The following ITPKB variants were observed in gnomAD, a reference collection of about 807,000 sequenced individuals.
The protein encoded by ITPKB is IP3 3-kinase B.
Under a neutral mutation model 69.4 loss-of-function variants are expected in ITPKB, and 13 were observed. The observed-to-expected ratio is 0.19, with a 90% confidence interval of 0.12 to 0.30. The LOEUF is 0.30. Among genes scored for constraint, ITPKB ranks in the 10% least tolerant of loss-of-function variants. ITPKB has a pLI of 1.00. For synonymous variants in ITPKB, 584 were observed against 513.7 expected (o/e 1.14, Z -1.85); for missense variants, 1,240 against 1,250.5 (o/e 0.99, Z 0.13).
In ITPKB at chr1:226,667,195, T is replaced by C. The variant is rs143276491; in HGVS notation, c.1933-18424A>G. 1.6e-3 allele frequency among the ~76,000 whole-genome samples: 238 copies of C among 152,300 alleles called. 5 individuals carry two copies. In the East Asian group the frequency reaches 0.036, roughly 23 times the overall value. On this transcript the variant is annotated intron_variant, in intron 2 of 7. Transcript: ENST00000429204. ...ACATTCACGTGATCTGGTGATGACA[T>C]GAGTGTTACCCCCACTAGAGTGAGC...
At chr1:226,673,245 G>A (rs535836928) in intron 2 of ITPKB, among the ~76,000 whole-genome samples, 20 of 152,078 alleles carry the variant, frequency 1.3e-4, no homozygotes, top group East Asian at 5.8e-4. Context: ...GTGGTGGCGC[G>A]CACCTGTGGT....
chr1:226,639,004 G>A (rs1668896157), intron 6 of ITPKB, among the ~76,000 whole-genome samples: 1 of 151,114 alleles, frequency 6.6e-6, no homozygotes. Context: ...CAGAAGCCTG[G>A]GGCCAGGATG....
At chr1:226,707,148 G>C (rs1182885284) in intron 2 of ITPKB, 1 of 788,930 alleles carries the variant, frequency 1.3e-6, no homozygotes, top group African/African-American at 1.9e-5. Context: ...GAATAATTCA[G>C]AATAAAAACA....
At chr1:226,716,603 C>CA (rs1005706025) in intron 2 of ITPKB, among the ~76,000 whole-genome samples, 2 of 152,140 alleles carry the variant, frequency 1.3e-5, no homozygotes, top group African/African-American at 4.8e-5. Context: ...GTGTTGTACT[C>CA]AAAGTTTTTT....
At position 226,736,315 on chromosome 1, in the gene ITPKB, G is replaced by A. The variant is rs1264036185; in HGVS notation, c.1144C>T (p.Pro382Ser). 6.2e-7 allele frequency: 1 copy of A among 1,610,250 alleles called. No individual in the cohort carries two copies. Among genetic ancestry groups the A allele is most frequent in the South Asian group, 1.1e-5 (1 of 90,696 alleles). The change falls in exon 2 of 8, where the codon CCG (proline) becomes TCG (serine). Residue 382 changes from proline to serine, a missense_variant. Pro to Ser is a moderately conservative substitution (Grantham distance 74, BLOSUM62 -1). This residue lies in a region of ITPKB where 992 missense variants were observed against 853.8 expected (regional missense o/e 1.16). Coordinates refer to ENST00000429204, the MANE Select transcript of ITPKB (RefSeq NM_002221.4). The part of the protein sequence containing the change: ...MGKGYLPCGM[P>S]GSGEPEVGKR... ...CCCACTTCAGGCTCCCCAGAGCCCG[G>A]CATGCCACAGGGCAGATATCCTTTC...
Position 226,663,776 on chromosome 1 carries a change from C to T in ITPKB, c.1933-15005G>A, listed in dbSNP as rs139711460. Among the ~76,000 whole-genome samples the T allele has an allele frequency of 6.5e-3, 986 of 152,290 alleles. 50 individuals are homozygous for T. Among genetic ancestry groups the T allele is most frequent in the Admixed American group, 0.059 (908 of 15,298 alleles). ...ACTTCAGGTGACCAAAGAAGTGATC[C>T]ACCCCCCACGGCCTCTCAAAGTGCT... is the stretch of plus-strand genomic sequence containing the variant. On this transcript the variant is annotated intron_variant, in intron 2 of 7. Transcript: ENST00000429204.
At chr1:226,731,916 C>T (rs915026106) in intron 2 of ITPKB, among the ~76,000 whole-genome samples, 3 of 152,148 alleles carry the variant, frequency 2.0e-5, no homozygotes, top group East Asian at 1.9e-4. Flanking sequence ...AAAGTATTCA[C>T]CAACAGATGC....
intron 2 of ITPKB, among the ~76,000 whole-genome samples, chr1:226,712,225 C>T (rs903574754): frequency 2.6e-5 from 4 of 152,208 alleles, no homozygotes; most frequent in African/African-American, 7.2e-5. Context: ...TGCGAGGCAA[C>T]CCCTCTCTCT....
At chr1:226,706,044 T>C (rs1200810445) in intron 2 of ITPKB, among the ~76,000 whole-genome samples, 2 of 152,140 alleles carry the variant, frequency 1.3e-5, no homozygotes, top group Non-Finnish European at 2.9e-5. Flanking sequence ...AGGCTGAGGG[T>C]CAGCAGGCAG....
At chr1:226,649,427 G>A (rs1669131901) in intron 2 of ITPKB, among the ~76,000 whole-genome samples, 1 of 94,450 alleles carries the variant, frequency 1.1e-5, no homozygotes, top group African/African-American at 4.8e-5. Flanking sequence ...GTGCATGAGT[G>A]TGTGCGTATG....
chr1:226,728,514 G>T (rs945795240), intron 2 of ITPKB, among the ~76,000 whole-genome samples: 2 of 152,224 alleles, frequency 1.3e-5, no homozygotes, highest in African/African-American at 4.8e-5. Context: ...AAACATCAGA[G>T]TGGTCTTCCC....
chr1:226,691,579 G>A (rs3754406), intron 2 of ITPKB, among the ~76,000 whole-genome samples: 2,100 of 152,276 alleles, frequency 0.014, 107 homozygotes, highest in Admixed American at 0.081. Context: ...TATTTTGGCT[G>A]GTGCATTTGG....
chr1:226,680,577 T>C (rs1360307483), intron 2 of ITPKB, among the ~76,000 whole-genome samples: 2 of 152,002 alleles, frequency 1.3e-5, no homozygotes, highest in African/African-American at 4.8e-5. Flanking sequence ...GGAAAGCAAA[T>C]ATCCCACAGT....
chr1:226,666,707 TG>T (rs1669510894), intron 2 of ITPKB, among the ~76,000 whole-genome samples: 1 of 152,234 alleles, frequency 6.6e-6, no homozygotes, highest in South Asian at 2.1e-4. Context: ...CACAACAGCC[TG>T]TCCTGCCTTG....
intron 2 of ITPKB, among the ~76,000 whole-genome samples, chr1:226,660,351 C>T (rs1669378382): frequency 6.6e-6 from 1 of 152,234 alleles, no homozygotes; most frequent in East Asian, 1.9e-4. Context: ...CCCTCATCCA[C>T]ACTCTATAGG....
intron 3 of ITPKB, 36 bp from the exon 4 acceptor site, chr1:226,647,416 C>A (rs1028684649): frequency 2.6e-6 from 4 of 1,517,810 alleles, no homozygotes; most frequent in Admixed American, 1.8e-5. Context: ...TGGTCTCCGG[C>A]TGCAGGTAGC....
chr1:226,710,375 G>T (rs922656552), intron 2 of ITPKB, among the ~76,000 whole-genome samples: 1 of 152,228 alleles, frequency 6.6e-6, no homozygotes, highest in Non-Finnish European at 1.5e-5. Flanking sequence ...AAGTAAAAAT[G>T]CAGCGCCCTT....
At position 226,641,261 on chromosome 1, in the gene ITPKB, T is replaced by C. The variant is rs1302720040; in HGVS notation, c.2451+660A>G. On this transcript the variant is annotated intron_variant, in intron 5 of 7. Coordinates refer to ENST00000429204, the MANE Select transcript of ITPKB (RefSeq NM_002221.4). This position sits in a 1 kb window ranked among gnomAD's most constrained non-coding sequence, Gnocchi z 4.6. ...TGTATAGGAAGCTTCTGTGTGCCCA[T>C]AGCCAGAGCTAAGAACTTTCCTGCC... Among the ~76,000 whole-genome samples the C allele has an allele frequency of 2.0e-5, 3 of 152,156 alleles. No individual in the cohort carries two copies. Among genetic ancestry groups the C allele is most frequent in the South Asian group, 2.1e-4 (1 of 4,824 alleles).
At chr1:226,662,540 C>T (rs1335696677) in intron 2 of ITPKB, among the ~76,000 whole-genome samples, 2 of 152,198 alleles carry the variant, frequency 1.3e-5, no homozygotes, top group South Asian at 2.1e-4. Flanking sequence ...AAGTTTACCT[C>T]TCTAGGCCAA....
Sources: allele counts gnomAD v4.1 joint callset (sites outside exome capture counted in the v4.1 genomes callset), GRCh38; gene constraint gnomAD v4.1.1; regional missense constraint gnomAD v4.1.1; non-coding constraint Gnocchi (gnomAD v3.1); transcripts MANE v1.5; gene names NCBI Gene and HGNC (gene_info 2026-07-23, HGNC 2026-07-21).